The following TNFAIP6 variants were observed in gnomAD, a reference collection of about 807,000 sequenced individuals.
The protein encoded by TNFAIP6 is TNF alpha induced protein 6.
Under a neutral mutation model 33.7 loss-of-function variants are expected in TNFAIP6, and 36 were observed. That is an observed-to-expected ratio of 1.07 (90% CI 0.82 to 1.41). TNFAIP6 has a LOEUF of 1.41. Among genes scored for constraint, TNFAIP6 ranks in the 40% most tolerant of loss-of-function variants. The probability of loss-of-function intolerance (pLI) is 0.00; values close to 1 mark genes in which losing one functional copy is unlikely to be tolerated. For missense variants in TNFAIP6, 273 were observed against 331.9 expected (o/e 0.82, Z 1.38); for synonymous variants, 113 against 112.8 (o/e 1.00, Z -0.01).
chr2:151,376,147 G>A (rs751249918), intron 5 of TNFAIP6, among the ~76,000 whole-genome samples: 8 of 152,288 alleles, frequency 5.3e-5, no homozygotes, highest in African/African-American at 1.4e-4. Flanking sequence ...TCAGGAGGCT[G>A]AGGCAGGAAA....
intron 1 of TNFAIP6, among the ~76,000 whole-genome samples, chr2:151,359,666 G>A (rs1232829846): frequency 6.6e-6 from 1 of 152,156 alleles, no homozygotes; most frequent in Non-Finnish European, 1.5e-5. Flanking sequence ...GGGATTATAG[G>A]CGTGAGCCAC....
chr2:151,373,313 T>TAAATA (rs1053984173), intron 4 of TNFAIP6, among the ~76,000 whole-genome samples: 13 of 152,196 alleles, frequency 8.5e-5, no homozygotes, highest in African/African-American at 1.2e-4. Flanking sequence ...AGACTCCATC[T>TAAATA]AAATAAAATA....
chr2:151,375,525 G>C (rs1263918968), intron 5 of TNFAIP6, among the ~76,000 whole-genome samples: 5 of 152,086 alleles, frequency 3.3e-5, no homozygotes, highest in Admixed American at 2.6e-4. Context: ...TGGCTAACAC[G>C]GTGAAACTCC....
chr2:151,379,579 T>C lies in TNFAIP6; in HGVS notation c.*46T>C, dbSNP rs776273467. On this transcript the variant is annotated 3_prime_UTR_variant, in exon 6 of 6. Coordinates refer to ENST00000243347, the MANE Select transcript of TNFAIP6 (RefSeq NM_007115.4). ...AAAACACACAGTGTTTATGTTGGAA[T>C]CTTTTGGAACTCCTTTGATCTCACT... The C allele has an allele frequency of 8.8e-6, 12 of 1,366,588 alleles. No homozygotes were observed. The highest frequency in any genetic ancestry group is 1.2e-5 in the Non-Finnish European group (12 of 1,024,250). The allele number at this position is 1,366,588 out of a possible 1,614,324, so 84.7% of individuals were successfully genotyped here.
At chr2:151,376,418 CAAA>C (rs34551708) in intron 5 of TNFAIP6, among the ~76,000 whole-genome samples, 22,583 of 114,852 alleles carry the variant, frequency 0.2, 1,924 homozygotes, top group African/African-American at 0.29. Flanking sequence ...TATTCTGTCT[CAAA>C]AAAAAAAAAA....
At chr2:151,361,629 A>G (rs1415403084) in intron 1 of TNFAIP6, among the ~76,000 whole-genome samples, 1 of 152,190 alleles carries the variant, frequency 6.6e-6, no homozygotes, top group Non-Finnish European at 1.5e-5. Context: ...GTGTTCCTCT[A>G]TTTCAAGATA....
chr2:151,379,464 A>C lies in TNFAIP6; in HGVS notation c.765A>C (p.Gln255His), dbSNP rs1183183577. 2 of 1,608,902 alleles carry C rather than the reference A, an allele frequency of 1.2e-6. No homozygotes were observed. Among genetic ancestry groups the C allele is most frequent in the South Asian group, 2.2e-5 (2 of 90,126 alleles). The stretch of plus-strand genomic sequence containing the variant: ...TGGATCCTGTATCCAAATCCAGTCA[A>C]GGAAAAAATACAAGTACTACTTCTA... ...VAMDPVSKSS[Q>H]GKNTSTTSTG... is the part of the protein sequence containing the mutation. Residue 255 changes from glutamine to histidine, a missense_variant, in exon 6 of 6, where the codon CAA becomes CAC. By Grantham distance (24) the Gln-to-His change is conservative. Coordinates refer to ENST00000243347, the MANE Select transcript of TNFAIP6 (RefSeq NM_007115.4).
In TNFAIP6 at chr2:151,357,794, A is replaced by T. The variant is rs367966665; in HGVS notation, c.94+34A>T. 5.3e-4 allele frequency: 700 copies of T among 1,318,004 alleles called. 1 individual carries two copies. Among genetic ancestry groups the T allele is most frequent in the Non-Finnish European group, 6.8e-4 (618 of 911,772 alleles). The allele number at this position is 1,318,004 out of a possible 1,614,324, so 81.6% of individuals were successfully genotyped here. On this transcript the variant is annotated intron_variant, in intron 1 of 5. Coordinates refer to ENST00000243347, the MANE Select transcript of TNFAIP6 (RefSeq NM_007115.4). ...CTTCACTCATGAGCCTCTTGTTGAGAATGTCAATTCTTTAAATCATGGAGA... is the reference window on the plus strand; with the variant it reads ...CTTCACTCATGAGCCTCTTGTTGAGTATGTCAATTCTTTAAATCATGGAGA...
intron 3 of TNFAIP6, among the ~76,000 whole-genome samples, chr2:151,368,916 G>A (rs1317184287): frequency 6.6e-6 from 1 of 152,170 alleles, no homozygotes; most frequent in Non-Finnish European, 1.5e-5. Flanking sequence ...ACATAGGCCA[G>A]GTGCCATGGC....
intron 3 of TNFAIP6, among the ~76,000 whole-genome samples, chr2:151,369,544 C>T (rs1385779745): frequency 6.6e-6 from 1 of 151,878 alleles, no homozygotes; most frequent in Non-Finnish European, 1.5e-5. Flanking sequence ...GAGGCAGAGG[C>T]AGGAGGCTCA....
At chr2:151,379,143 A>G in intron 5 of TNFAIP6, among the ~76,000 whole-genome samples, 1 of 152,080 alleles carries the variant, frequency 6.6e-6, no homozygotes, top group Non-Finnish European at 1.5e-5. Flanking sequence ...AATTTCCTGT[A>G]GGATAGATTG....
Position 151,370,244 on chromosome 2 carries a change from G to A in TNFAIP6, c.619G>A (p.Gly207Arg). The A allele has an allele frequency of 6.2e-7, 1 of 1,613,028 alleles. No individual in the cohort carries two copies. The highest frequency in any genetic ancestry group is 1.1e-5 in the South Asian group (1 of 91,058). The change falls in exon 4 of 6, where the codon GGA (glycine) becomes AGA (arginine). Residue 207 changes from glycine to arginine, a missense_variant. Gly to Arg is a moderately radical substitution (Grantham distance 125, BLOSUM62 -2). Transcript: ENST00000243347. ...DSYDDVHGFV[G>R]RYCGDELPDD... The stretch of plus-strand genomic sequence containing the variant: ...TTACGATGATGTCCATGGCTTTGTG[G>A]GAAGGTACGTATGGGTCCCCATACA...
intron 5 of TNFAIP6, among the ~76,000 whole-genome samples, chr2:151,375,125 CAAAAAAAAAA>C (rs71403161): frequency 1.3e-5 from 1 of 78,932 alleles, no homozygotes; most frequent in Admixed American, 1.6e-4. Context: ...AACTCCGTCT[CAAAAAAAAAA>C]AAAAAAAAAA....
At chr2:151,360,214 C>T (rs1443498865) in intron 1 of TNFAIP6, among the ~76,000 whole-genome samples, 1 of 152,148 alleles carries the variant, frequency 6.6e-6, no homozygotes, top group Non-Finnish European at 1.5e-5. Context: ...GGAAGGATCA[C>T]TTGAGCCCAA....
chr2:151,375,182 T>C (rs7572400), intron 5 of TNFAIP6, among the ~76,000 whole-genome samples: 21,970 of 141,442 alleles, frequency 0.16, 1,756 homozygotes, highest in African/African-American at 0.21. Flanking sequence ...TTCTCTAAAG[T>C]AGACAACTTA....
At chr2:151,371,426 A>C (rs917920156) in intron 4 of TNFAIP6, among the ~76,000 whole-genome samples, 4 of 152,170 alleles carry the variant, frequency 2.6e-5, no homozygotes, top group African/African-American at 9.7e-5. Flanking sequence ...ATGGGGAAAA[A>C]ATTGTAATGG....
At chr2:151,363,224 G>C (rs763115569) in intron 1 of TNFAIP6, among the ~76,000 whole-genome samples, 1 of 152,192 alleles carries the variant, frequency 6.6e-6, no homozygotes, top group Non-Finnish European at 1.5e-5. Flanking sequence ...GCTGAGGCAG[G>C]AGAATCGCTT....
chr2:151,370,364 C>T, intron 4 of TNFAIP6, 116 bp downstream of exon 4: 1 of 750,398 alleles, frequency 1.3e-6, no homozygotes. Flanking sequence ...TTCTACTCTC[C>T]TAAAGCACCA....
chr2:151,362,315 G>A (rs187106397), intron 1 of TNFAIP6, among the ~76,000 whole-genome samples: 135 of 152,060 alleles, frequency 8.9e-4, no homozygotes, highest in African/African-American at 3.2e-3. Context: ...AAAAATATGT[G>A]AACTAAAAAA....
Sources: allele counts gnomAD v4.1 joint callset (sites outside exome capture counted in the v4.1 genomes callset), GRCh38; gene constraint gnomAD v4.1.1; transcripts MANE v1.5; gene names NCBI Gene and HGNC (gene_info 2026-07-23, HGNC 2026-07-21).